Variants in MAGED2 observed in about 807,000 individuals in gnomAD.
MAGED2 encodes the protein MAGE family member D2.
In MAGED2, 6 loss-of-function variants were observed where a neutral mutation model predicts 41.7. That is an observed-to-expected ratio of 0.14 (90% CI 0.08 to 0.28). The LOEUF is 0.28. Ranked by LOEUF, MAGED2 falls within the 10% of genes least tolerant of loss-of-function variation. The pLI, the probability that MAGED2 is intolerant of heterozygous loss-of-function variation, is 1.00. For synonymous variants in MAGED2, 146 were observed against 178.2 expected (o/e 0.82, Z 1.44); for missense variants, 343 against 486.4 (o/e 0.71, Z 2.77).
At position 54,810,195 on chromosome X, in the gene MAGED2, A is replaced by C; in HGVS notation, c.519A>C (p.Lys173Asn). Residue 173 changes from lysine to asparagine, a missense_variant, in exon 3 of 13, where the codon AAA becomes AAC. Physicochemically the swap from Lys to Asn is moderately conservative, Grantham distance 94. Coordinates refer to ENST00000375068, the MANE Select transcript of MAGED2 (RefSeq NM_177433.3). Reference protein sequence around the residue: ...QENQDTRPKVKAKKARKVKHL... With the variant: ...QENQDTRPKVNAKKARKVKHL... The stretch of plus-strand genomic sequence containing the variant: ...ATCAGGATACTCGGCCCAAGGTCAA[A>C]GCCAAGAAAGCCCGAAAGGTAAGAC... 8.7e-7 allele frequency: 1 copy of C among 1,144,024 alleles called. No homozygotes were observed. The highest frequency in any genetic ancestry group is 1.2e-6 in the Non-Finnish European group (1 of 861,494). The allele number at this position is 1,144,024 out of a possible 1,213,427, so 94.3% of individuals were successfully genotyped here. A position where few individuals can be genotyped will look rare whatever the true frequency, so the allele number is the denominator to read the frequency against.
At chrX:54,811,499 A>G (rs1929802034) in intron 5 of MAGED2, 75 bp from the exon 6 acceptor site, 2 of 956,368 alleles carry the variant, frequency 2.1e-6, no homozygotes, top group African/African-American at 3.8e-5. Flanking sequence ...GTGGTTGGCA[A>G]AGAGTCTATA....
In MAGED2 at chrX:54,810,982, G is replaced by C; in HGVS notation, c.699G>C (p.Arg233=). The C allele has an allele frequency of 8.3e-7, 1 of 1,203,423 alleles. No individual in the cohort carries two copies. The highest frequency in any genetic ancestry group is 1.1e-6 in the Non-Finnish European group (1 of 890,853). Residue 233 remains arginine (R), a synonymous_variant, in exon 4 of 13, where the codon CGG becomes CGC. Transcript: ENST00000375068. ...GGGCCCGCAGGGCATCAAGGACTCG[G>C]TTGGCTGCTTGGGCCCGGAGAGCCT... The part of the protein sequence containing the change: ...AFWARRASRT[R]LAAWARRALL...
intron 11 of MAGED2, 56 bp downstream of exon 11, chrX:54,814,831 G>C: frequency 1.1e-6 from 1 of 909,930 alleles, no homozygotes; most frequent in South Asian, 2.0e-5. Flanking sequence ...GCCCCTGGCT[G>C]GGGCAGGCTG....
Position 54,809,934 on chromosome X carries a change from TACTCAGCTG to T in MAGED2, c.262_270del (p.Gln88_Thr90del). The stretch of plus-strand genomic sequence containing the variant: ...CACCTGCCACCCAGGCCTCATCTAC[TACTCAGCTG>T]ACTGATACCCAGGTTCTGGCAGCTG... On this transcript the variant is annotated inframe_deletion, in exon 3 of 13. Coordinates refer to ENST00000375068, the MANE Select transcript of MAGED2 (RefSeq NM_177433.3). 2.5e-6 allele frequency: 3 copies of T among 1,202,253 alleles called. No individual in the cohort carries two copies. The highest frequency in any genetic ancestry group is 3.4e-6 in the Non-Finnish European group (3 of 890,426).
chrX:54,809,195 A>C, intron 1 of MAGED2, 108 bp from the exon 2 acceptor site: 1 of 517,033 alleles, frequency 1.9e-6, no homozygotes. Context: ...GGGGTGGTGG[A>C]GGGGGTTGGA....
At chrX:54,811,210 A>T (rs959381203) in intron 4 of MAGED2, 40 bp from the exon 5 acceptor site, 2 of 1,202,699 alleles carry the variant, frequency 1.7e-6, no homozygotes, top group Admixed American at 4.4e-5. Context: ...AGTTTTCTGC[A>T]AACTTGTTTT....
chrX:54,808,705 G>T (rs1232008438), intron 1 of MAGED2, among the ~76,000 whole-genome samples: 1 of 110,079 alleles, frequency 9.1e-6, no homozygotes, highest in Non-Finnish European at 1.9e-5. Flanking sequence ...AGAGACACTG[G>T]ACTCTGTAGG....
rs1359410953 is a variant in MAGED2, at chrX:54,810,999, G to A, written c.716G>A (p.Arg239Gln). The change falls in exon 4 of 13, where the codon CGG becomes CAG. Residue 239 changes from arginine to glutamine, a missense_variant. By Grantham distance (43) the Arg-to-Gln change is conservative. Around this residue, in one of 3 missense-constraint regions of MAGED2, gnomAD observed 195 missense variants for 221.2 expected, o/e 0.88. Transcript: ENST00000375068. ...AGGACTCGGTTGGCTGCTTGGGCCC[G>A]GAGAGCCTTGCTCTCCCTGAGATCA... is the stretch of plus-strand genomic sequence containing the variant. ...ASRTRLAAWA[R>Q]RALLSLRSPK... 6 of 1,198,613 alleles carry A rather than the reference G, an allele frequency of 5.0e-6. No homozygotes were observed. Among genetic ancestry groups the A allele is most frequent in the South Asian group, 3.6e-5 (2 of 55,270 alleles).
chrX:54,812,138 C>G lies in MAGED2; in HGVS notation c.991-19C>G. On this transcript the variant is annotated intron_variant, in intron 6 of 12. Transcript: ENST00000375068. ...AAGCTGAATTTTGTCATCTCACAAG[C>G]TGTTCTCCCCATCCACAGGTATTTG... 7.9e-6 allele frequency: 8 copies of G among 1,013,778 alleles called. No individual in the cohort carries two copies. The highest frequency in any genetic ancestry group is 1.1e-5 in the Non-Finnish European group (8 of 716,240). 83.5% of individuals were successfully genotyped at this position (1,013,778 alleles called of 1,213,427 possible). A position where few individuals can be genotyped will look rare whatever the true frequency, so the allele number is the denominator to read the frequency against.
chrX:54,810,239 T>C (rs760808351), intron 3 of MAGED2, 26 bp downstream of exon 3: 3 of 967,841 alleles, frequency 3.1e-6, no homozygotes, highest in Non-Finnish European at 2.8e-6. Context: ...TCACCACCCT[T>C]GGTTTTCTAC....
Position 54,814,644 on chromosome X carries a change from G to A in MAGED2, c.1272-17G>A. The stretch of plus-strand genomic sequence containing the variant: ...GAATGGTCTTAGAAATAAAGGCTTT[G>A]AACCTCTCTTTCCAAGGTACCTGGA... On this transcript the variant is annotated splice_polypyrimidine_tract_variant and intron_variant, in intron 10 of 12. Transcript: ENST00000375068. 1.8e-6 allele frequency: 2 copies of A among 1,088,109 alleles called. No homozygotes were observed. The highest frequency in any genetic ancestry group is 2.6e-6 in the Non-Finnish European group (2 of 782,749). 89.7% of individuals were successfully genotyped at this position (1,088,109 alleles called of 1,213,427 possible).
intron 3 of MAGED2, 40 bp from the exon 4 acceptor site, chrX:54,810,781 C>T: frequency 9.0e-7 from 1 of 1,107,651 alleles, no homozygotes; most frequent in Non-Finnish European, 1.2e-6. Flanking sequence ...GGACCACTTG[C>T]TTCATCTGGT....
rs372980079 is a variant in MAGED2, at chrX:54,810,160, T to G, written c.484T>G (p.Ser162Ala). 19 of 1,178,895 alleles carry G rather than the reference T, an allele frequency of 1.6e-5. No homozygotes were observed. The highest frequency in any genetic ancestry group is 2.4e-5 in the Admixed American group (1 of 41,185). ...EPEPESAAAQ[S>A]QENQDTRPKV... ...TGAGCCTGAGAGTGCAGCTGCCCAG[T>G]CTCAGGAGAATCAGGATACTCGGCC... The change falls in exon 3 of 13, where the codon TCT becomes GCT. Residue 162 changes from serine (S) to alanine (A), a missense_variant. Physicochemically the swap from Ser to Ala is moderately conservative, Grantham distance 99. Coordinates refer to ENST00000375068, the MANE Select transcript of MAGED2 (RefSeq NM_177433.3).
rs1191317538 is a variant in MAGED2 at position 54,815,434 on chromosome X, C to G, written c.1573C>G (p.Pro525Ala). Residue 525 changes from proline (P) to alanine (A), a missense_variant, in exon 12 of 13, where the codon CCC becomes GCC. Physicochemically the swap from Pro to Ala is conservative, Grantham distance 27. Transcript: ENST00000375068. ...CAACTGGGACGAAGCTGATATCGGA[C>G]CCTGGGCCAAAGCCCGGATCCAGGC... The part of the protein sequence containing the change: ...PCNWDEADIG[P>A]WAKARIQAGA... 1 of 1,205,866 alleles carries G rather than the reference C, an allele frequency of 8.3e-7. No individual in the cohort carries two copies. Among genetic ancestry groups the G allele is most frequent in the Admixed American group, 2.2e-5 (1 of 45,483 alleles).
At position 54,815,560 on chromosome X, in the gene MAGED2, G is replaced by C. The variant is rs1929942505; in HGVS notation, c.1699G>C (p.Gly567Arg). Residue 567 changes from glycine (G) to arginine (R), a missense_variant, in exon 12 of 13, where the codon GGT becomes CGT. Gly to Arg is a moderately radical substitution (Grantham distance 125). Coordinates refer to ENST00000375068, the MANE Select transcript of MAGED2 (RefSeq NM_177433.3). ...TGCCAGTGCCAGTGCCAGCACCAGT[G>C]GTGGCTTCAGTGCTGGTGCCAGCCT... is the stretch of plus-strand genomic sequence containing the variant. ...NSASASASTSGGFSAGASLTA... is the reference protein window; with the variant it reads ...NSASASASTSRGFSAGASLTA... The C allele has an allele frequency of 1.7e-6, 2 of 1,174,104 alleles. No homozygotes were observed. Among genetic ancestry groups the C allele is most frequent in the South Asian group, 1.9e-5 (1 of 53,281 alleles).
chrX:54,809,151 C>T (rs902915872), intron 1 of MAGED2, 152 bp from the exon 2 acceptor site: 7 of 455,094 alleles, frequency 1.5e-5, no homozygotes, highest in Non-Finnish European at 2.7e-5. Context: ...GACTTAGAAG[C>T]TTTGAATTCC....
chrX:54,815,370 G>A lies in MAGED2; in HGVS notation c.1509G>A (p.Met503Ile). The change falls in exon 12 of 13, where the codon ATG (methionine) becomes ATA (isoleucine). Residue 503 changes from methionine (M) to isoleucine (I), a missense_variant. This residue lies in a region of MAGED2 where 95 missense variants were observed against 204.8 expected (regional missense o/e 0.46). Coordinates refer to ENST00000375068, the MANE Select transcript of MAGED2 (RefSeq NM_177433.3). Reference protein sequence around the residue: ...AKARAEIRARMGIGLGSENAA... With the variant: ...AKARAEIRARIGIGLGSENAA... Reference sequence around the variant, plus strand: ...CTAGGGCCGAGATTAGAGCTCGAATGGGCATTGGGCTCGGCTCGGAGAATG... The same window carrying A: ...CTAGGGCCGAGATTAGAGCTCGAATAGGCATTGGGCTCGGCTCGGAGAATG... The A allele has an allele frequency of 1.7e-6, 2 of 1,210,251 alleles. No individual in the cohort carries two copies. Among genetic ancestry groups the A allele is most frequent in the Non-Finnish European group, 1.1e-6 (1 of 894,187 alleles).
rs754347423 is a variant in MAGED2 at position 54,815,556 on chromosome X, C to T, written c.1695C>T (p.Thr565=). The change falls in exon 12 of 13, where the codon ACC becomes ACT. Residue 565 remains threonine, a synonymous_variant. Coordinates refer to ENST00000375068, the MANE Select transcript of MAGED2 (RefSeq NM_177433.3). ...TNNSASASAS[T]SGGFSAGASL... ...ACAGTGCCAGTGCCAGTGCCAGCAC[C>T]AGTGGTGGCTTCAGTGCTGGTGCCA... 1 of 1,173,238 alleles carries T rather than the reference C, an allele frequency of 8.5e-7. No homozygotes were observed. The highest frequency in any genetic ancestry group is 1.8e-5 in the African/African-American group (1 of 56,630).
In MAGED2 at chrX:54,809,297, C is replaced by T; in HGVS notation, c.-29-6C>T. ...TTCAACTTGACCCAGGCCTTCTCCC[C>T]TTCAGGCTCAGCTCTTGCCAGGCCA... On this transcript the variant is annotated splice_polypyrimidine_tract_variant and splice_region_variant and intron_variant, in intron 1 of 12. Transcript: ENST00000375068. The T allele has an allele frequency of 8.3e-7, 1 of 1,207,760 alleles. No homozygotes were observed. The highest frequency in any genetic ancestry group is 1.8e-5 in the South Asian group (1 of 56,750).
Sources: allele counts gnomAD v4.1 joint callset (sites outside exome capture counted in the v4.1 genomes callset), GRCh38; gene constraint gnomAD v4.1.1; regional missense constraint gnomAD v4.1.1; transcripts MANE v1.5; gene names NCBI Gene and HGNC (gene_info 2026-07-23, HGNC 2026-07-21).